Variants in DST observed in about 807,000 individuals in gnomAD.
DST encodes the protein bullous pemphigoid antigen.
Under a neutral mutation model 875.2 loss-of-function variants are expected in DST, and 253 were observed. The ratio of observed to expected loss-of-function variants is 0.29; its 90% CI spans 0.26 to 0.32. DST has a LOEUF of 0.32. Ranked by LOEUF, DST falls within the 10% of genes least tolerant of loss-of-function variation. DST has a pLI of 1.00. For missense variants in DST, 8,287 were observed against 9,111.6 expected (o/e 0.91, Z 3.68); for synonymous variants, 3,124 against 3,197.1 (o/e 0.98, Z 0.77).
intron 4 of DST, among the ~76,000 whole-genome samples, chr6:56,827,942 C>A (rs1454374344): frequency 6.6e-6 from 1 of 152,178 alleles, no homozygotes; most frequent in Non-Finnish European, 1.5e-5. Context: ...ACCCCACCCC[C>A]ACACACATAC....
At chr6:56,918,856 T>C (rs1302994473) in intron 2 of DST, among the ~76,000 whole-genome samples, 1 of 152,202 alleles carries the variant, frequency 6.6e-6, no homozygotes, top group Non-Finnish European at 1.5e-5. Flanking sequence ...CGCACACTCC[T>C]GCACTCCAGC....
intron 4 of DST, among the ~76,000 whole-genome samples, chr6:56,761,946 C>A (rs895595721): frequency 1.3e-5 from 2 of 152,112 alleles, no homozygotes; most frequent in African/African-American, 4.8e-5. Flanking sequence ...TATCCAAAAC[C>A]CCAAAAGCAA....
chr6:56,474,960 C>CAAAA lies in DST; in HGVS notation c.21865-962_21865-959dup, dbSNP rs386407168. ...GGCAACAGAGTGAGACCCTGCCTCTCAAAAAAAAAAAAAAAAAAAAAAAAA... is the reference window on the plus strand; with the variant it reads ...GGCAACAGAGTGAGACCCTGCCTCTCAAAAAAAAAAAAAAAAAAAAAAAAAAAAA... On this transcript the variant is annotated intron_variant, in intron 92 of 103. Transcript: ENST00000680361. 5.9e-3 allele frequency among the ~76,000 whole-genome samples: 185 copies of CAAAA among 31,322 alleles called. 22 individuals are homozygous for CAAAA. The highest frequency in any genetic ancestry group is 0.013 in the African/African-American group (128 of 9,680). The allele number at this position is 31,322 out of a possible 152,430, so 20.5% of individuals were successfully genotyped here.
rs542411050 is a variant in DST, at chr6:56,627,865, T to C, written c.4638+134A>G. Reference sequence around the variant, plus strand: ...TATGTAGGTTTGGGTTGCAAGATTTTAATATTTTTTATATACTCTCCACCT... The same window carrying C: ...TATGTAGGTTTGGGTTGCAAGATTTCAATATTTTTTATATACTCTCCACCT... On this transcript the variant is annotated intron_variant, in intron 33 of 103. Transcript: ENST00000680361. The C allele has an allele frequency of 6.2e-4, 515 of 832,472 alleles. 4 individuals are homozygous for C. Among genetic ancestry groups the C allele is most frequent in the South Asian group, 4.3e-3 (259 of 59,924 alleles). 51.6% of individuals were successfully genotyped at this position (832,472 alleles called of 1,614,324 possible).
intron 2 of DST, among the ~76,000 whole-genome samples, chr6:56,924,385 G>T (rs1158152560): frequency 6.7e-6 from 1 of 149,988 alleles, no homozygotes; most frequent in East Asian, 1.9e-4. Context: ...TTGATCCCCA[G>T]CTCCAGCTCA....
chr6:56,494,194 C>T lies in DST; in HGVS notation c.20224-14G>A. On this transcript the variant is annotated splice_polypyrimidine_tract_variant and intron_variant, in intron 82 of 103. Transcript: ENST00000680361. ...AGCACAGACTTCCTAAATTGAGATA[C>T]CCTCAAGTTATATCACTTTAAGAAA... 2 of 1,586,178 alleles carry T rather than the reference C, an allele frequency of 1.3e-6. No homozygotes were observed. Among genetic ancestry groups the T allele is most frequent in the Non-Finnish European group, 1.7e-6 (2 of 1,165,418 alleles).
intron 3 of DST, among the ~76,000 whole-genome samples, chr6:56,869,283 A>G (rs189838514): frequency 1.3e-5 from 2 of 152,350 alleles, no homozygotes; most frequent in Admixed American, 1.3e-4. Flanking sequence ...TTTTTAAATG[A>G]ATCAGCAAAG....
chr6:56,535,600 C>T (rs773790898), intron 62 of DST, among the ~76,000 whole-genome samples: 1 of 152,048 alleles, frequency 6.6e-6, no homozygotes, highest in African/African-American at 2.4e-5. Flanking sequence ...TTAGAGTTAT[C>T]GTAAAAAACA....
intron 2 of DST, among the ~76,000 whole-genome samples, chr6:56,937,692 T>C (rs61273855): frequency 0.21 from 31,501 of 152,142 alleles, 3,628 homozygotes; most frequent in Middle Eastern, 0.26. Context: ...CACACAATGG[T>C]TTTAAGCACA....
Position 56,561,441 on chromosome 6 carries a change from A to T in DST, c.14177T>A (p.Leu4726Ter). The change falls in exon 57 of 104, where the codon TTG becomes TAG. Residue 4726 changes from leucine to a stop codon, truncating the protein, a stop_gained. Transcript: ENST00000680361. LOFTEE classifies it high-confidence loss of function. ...ACTTGATTCTTCCTGAGCCTTTTGC[A>T]ATTTGGAGAGTTTAGTGTTCAGTTC... Reference protein sequence around the residue: ...IAELNTKLSKLQKAQEESSAM... With the variant: ...IAELNTKLSK 1.2e-6 allele frequency: 2 copies of T among 1,613,834 alleles called. No homozygotes were observed. The highest frequency in any genetic ancestry group is 1.7e-6 in the Non-Finnish European group (2 of 1,179,806).
In DST at chr6:56,471,053, G is replaced by A. The variant is rs1582285344; in HGVS notation, c.22321+53C>T. 6 of 1,525,924 alleles carry A rather than the reference G, an allele frequency of 3.9e-6. No individual in the cohort carries two copies. The East Asian group carries it at 1.1e-4, about 29-fold the overall frequency. The allele number at this position is 1,525,924 out of a possible 1,614,324, so 94.5% of individuals were successfully genotyped here. A position where few individuals can be genotyped will look rare whatever the true frequency, so the allele number is the denominator to read the frequency against. ...TACCAGACCCACACTTTTAAAATGT[G>A]CTTATTTCCTTTAAAAATTGTATCA... is the stretch of plus-strand genomic sequence containing the variant. On this transcript the variant is annotated intron_variant, in intron 95 of 103. Transcript: ENST00000680361.
intron 4 of DST, among the ~76,000 whole-genome samples, chr6:56,749,497 T>A (rs2152950225): frequency 6.6e-6 from 1 of 152,336 alleles, no homozygotes; most frequent in Admixed American, 6.5e-5. Context: ...GAATACGGCC[T>A]AAGGAATAAA....
intron 55 of DST, among the ~76,000 whole-genome samples, chr6:56,565,035 T>C (rs962969272): frequency 7.2e-5 from 11 of 152,082 alleles, no homozygotes; most frequent in Non-Finnish European, 1.3e-4. Flanking sequence ...TCTGTTTTTG[T>C]GTCTCTGCCA....
chr6:56,536,818 C>T lies in DST; in HGVS notation c.16731G>A (p.Leu5577=), dbSNP rs1399304654. ...STSTQGLEHD[L]DDVNARWKTL... ...TCTTCCACCGTGCATTGACATCATC[C>T]AGGTCATGCTCCAAGCCCTGAGTGC... The change falls in exon 62 of 104, where the codon CTG becomes CTA. Residue 5577 remains leucine (L), a synonymous_variant. Coordinates refer to ENST00000680361, the MANE Select transcript of DST (RefSeq NM_001374736.1). The T allele has an allele frequency of 1.2e-6, 2 of 1,602,362 alleles. No individual in the cohort carries two copies. The highest frequency in any genetic ancestry group is 1.1e-5 in the South Asian group (1 of 88,012).
intron 4 of DST, among the ~76,000 whole-genome samples, chr6:56,812,505 A>G (rs1201659166): frequency 6.6e-6 from 1 of 152,182 alleles, no homozygotes; most frequent in Non-Finnish European, 1.5e-5. Flanking sequence ...AAATCTTATA[A>G]GGGATGAAAT....
At position 56,487,174 on chromosome 6, in the gene DST, G is replaced by GTTTCAC; in HGVS notation, c.20976_20977insGTGAAA (p.Asn6992_Leu6993insValLys). Reference sequence around the variant, plus strand: ...TCACTCAGCATGTCATCCAGTTTCAGGTTGTCATCAGCCAGGGAGGTTTTC... The same window carrying GTTTCAC: ...TCACTCAGCATGTCATCCAGTTTCAGTTTCACGTTGTCATCAGCCAGGGAGGTTTTC... On this transcript the variant is annotated inframe_insertion, in exon 87 of 104. Transcript: ENST00000680361. 6.2e-7 allele frequency: 1 copy of GTTTCAC among 1,613,908 alleles called. No homozygotes were observed. The highest frequency in any genetic ancestry group is 2.2e-5 in the East Asian group (1 of 44,864).
rs543388347 is a variant in DST, at chr6:56,609,290, C to T, written c.5338G>A (p.Val1780Ile). The T allele has an allele frequency of 6.2e-7, 1 of 1,613,410 alleles. No individual in the cohort carries two copies. Among genetic ancestry groups the T allele is most frequent in the African/African-American group, 1.3e-5 (1 of 75,010 alleles). Residue 1780 changes from valine (V) to isoleucine (I), a missense_variant, in exon 40 of 104, where the codon GTC becomes ATC. Val to Ile is a conservative substitution (Grantham distance 29). Around this residue, in one of 10 missense-constraint regions of DST, gnomAD observed 3,138 missense variants for 3,116.6 expected, o/e 1.01. Coordinates refer to ENST00000680361, the MANE Select transcript of DST (RefSeq NM_001374736.1). ...IDQTTGEVLSVFQAVLRGLID... is the reference protein window; with the variant it reads ...IDQTTGEVLSIFQAVLRGLID... ...AGGCCTCTTAAAACTGCTTGAAAGA[C>T]TGAAAGGACTTCTCCAGTTGTCTGA...
intron 83 of DST, among the ~76,000 whole-genome samples, chr6:56,493,525 T>C (rs567504478): frequency 1.3e-5 from 2 of 152,204 alleles, no homozygotes; most frequent in Admixed American, 6.5e-5. Context: ...ATTTCTTAGA[T>C]TGTCAGTTTT....
intron 4 of DST, among the ~76,000 whole-genome samples, chr6:56,803,645 T>C (rs2099749899): frequency 6.6e-6 from 1 of 152,208 alleles, no homozygotes; most frequent in Non-Finnish European, 1.5e-5. Flanking sequence ...ATATGAATCT[T>C]ACAGGCAGAC....
Sources: allele counts gnomAD v4.1 joint callset (sites outside exome capture counted in the v4.1 genomes callset), GRCh38; gene constraint gnomAD v4.1.1; regional missense constraint gnomAD v4.1.1; transcripts MANE v1.5; gene names NCBI Gene and HGNC (gene_info 2026-07-23, HGNC 2026-07-21).